NR6A1: variants seen among roughly 807,000 people sequenced by gnomAD.
NR6A1 encodes retinoic acid receptor-related testis-associated receptor.
Under a neutral mutation model 59.1 loss-of-function variants are expected in NR6A1, and 7 were observed. That is an observed-to-expected ratio of 0.12 (90% CI 0.07 to 0.22). NR6A1 has a LOEUF of 0.22. Among genes scored for constraint, NR6A1 ranks in the 10% least tolerant of loss-of-function variants. NR6A1 has a pLI of 1.00. For missense variants in NR6A1, 468 were observed against 611.6 expected, an observed-to-expected ratio of 0.77 and a Z score of 2.48; for synonymous variants, 243 against 236.1, an observed-to-expected ratio of 1.03 and a Z score of -0.27.
chr9:124,580,526 A>T (rs183770025), intron 2 of NR6A1, among the ~76,000 whole-genome samples: 30 of 152,300 alleles, frequency 2.0e-4, no homozygotes, highest in Non-Finnish European at 3.8e-4. Flanking sequence ...TAAGCAAAAA[A>T]GAACAAAGCT....
chr9:124,698,648 T>G (rs1838840629), intron 2 of NR6A1: 1 of 152,170 alleles, frequency 6.6e-6, no homozygotes, highest in South Asian at 2.1e-4. Flanking sequence ...TTTAACTTTT[T>G]TTATCAAACG....
At chr9:124,761,944 T>G (rs985914500) in intron 1 of NR6A1, among the ~76,000 whole-genome samples, 1 of 152,220 alleles carries the variant, frequency 6.6e-6, no homozygotes, top group African/African-American at 2.4e-5. Flanking sequence ...GAGAGTGCAC[T>G]ACCACACATT....
At chr9:124,523,722 C>T (rs1293585443) in intron 9 of NR6A1, among the ~76,000 whole-genome samples, 1 of 152,000 alleles carries the variant, frequency 6.6e-6, no homozygotes, top group Non-Finnish European at 1.5e-5. Flanking sequence ...TAGTTTAGGC[C>T]CAGCTCACAT....
chr9:124,572,354 T>C (rs1170340701), intron 2 of NR6A1, among the ~76,000 whole-genome samples: 1 of 152,240 alleles, frequency 6.6e-6, no homozygotes. Flanking sequence ...ACTAATCTTG[T>C]CACTAATCAT....
chr9:124,746,602 A>G (rs1041452940), intron 1 of NR6A1, among the ~76,000 whole-genome samples: 1 of 151,168 alleles, frequency 6.6e-6, no homozygotes, highest in African/African-American at 2.4e-5. Context: ...AAGGAAAAAG[A>G]AAAAAAAACA....
chr9:124,683,531 T>C (rs1191108079), intron 2 of NR6A1, among the ~76,000 whole-genome samples: 1 of 152,216 alleles, frequency 6.6e-6, no homozygotes, highest in Non-Finnish European at 1.5e-5. Flanking sequence ...TGGTGGCTCA[T>C]GCCTGTAATC....
intron 2 of NR6A1, among the ~76,000 whole-genome samples, chr9:124,730,014 T>A (rs1179661581): frequency 6.6e-6 from 1 of 151,940 alleles, no homozygotes; most frequent in Non-Finnish European, 1.5e-5. Context: ...GGTTTCTCAA[T>A]ATTGGTCAGG....
At chr9:124,706,854 C>T (rs985160422) in intron 2 of NR6A1, among the ~76,000 whole-genome samples, 4 of 152,256 alleles carry the variant, frequency 2.6e-5, no homozygotes, top group Middle Eastern at 6.8e-3. Flanking sequence ...AATGTCATCC[C>T]ATTGCCTTCA....
At chr9:124,539,024 A>G (rs1833366464) in intron 5 of NR6A1, among the ~76,000 whole-genome samples, 1 of 152,048 alleles carries the variant, frequency 6.6e-6, no homozygotes, top group Non-Finnish European at 1.5e-5. Flanking sequence ...CCTGGGCAAC[A>G]TAGCAAGACT....
intron 2 of NR6A1, among the ~76,000 whole-genome samples, chr9:124,613,992 A>G (rs1835823916): frequency 6.6e-6 from 1 of 152,336 alleles, no homozygotes; most frequent in South Asian, 2.1e-4. Context: ...AGGCGGCCAA[A>G]GACAGTGACT....
chr9:124,723,148 ATACTT>A (rs1369167988), intron 2 of NR6A1, among the ~76,000 whole-genome samples: 1 of 152,160 alleles, frequency 6.6e-6, no homozygotes, highest in African/African-American at 2.4e-5. Flanking sequence ...TCATTAGAAT[ATACTT>A]TATTTTTTAA....
At chr9:124,535,775 A>G in intron 7 of NR6A1, 103 bp downstream of exon 7, 1 of 1,394,314 alleles carries the variant, frequency 7.2e-7, no homozygotes, top group Non-Finnish European at 9.9e-7. Flanking sequence ...ATCCAGGCCT[A>G]TGAGGTGTAG....
intron 2 of NR6A1, among the ~76,000 whole-genome samples, chr9:124,611,255 C>T (rs1835734312): frequency 6.6e-6 from 1 of 151,892 alleles, no homozygotes; most frequent in Non-Finnish European, 1.5e-5. Flanking sequence ...AAGTACTTAT[C>T]ATAGGCCCAG....
intron 6 of NR6A1, 50 bp from the exon 7 acceptor site, chr9:124,536,182 G>A: frequency 2.5e-6 from 4 of 1,583,756 alleles, no homozygotes; most frequent in Non-Finnish European, 2.6e-6. Flanking sequence ...AGAGGGTGAG[G>A]ATAAGGGTAC....
intron 7 of NR6A1, among the ~76,000 whole-genome samples, chr9:124,527,422 T>C (rs1202257080): frequency 1.3e-5 from 2 of 152,260 alleles, no homozygotes; most frequent in Admixed American, 6.5e-5. Context: ...GCTGAGGTTA[T>C]GCATAGTGAA....
Position 124,551,511 on chromosome 9 carries a change from C to T in NR6A1, c.385+2817G>A, listed in dbSNP as rs577809028. ...TGAAGTAGTGAAAAAATTCCTAACA[C>T]ATAACCTTGAGAGAAACAAATTTTA... On this transcript the variant is annotated intron_variant, in intron 3 of 9. Coordinates refer to ENST00000487099, the MANE Select transcript of NR6A1 (RefSeq NM_033334.4). Among the ~76,000 whole-genome samples the T allele has an allele frequency of 2.6e-5, 4 of 152,300 alleles. No homozygotes were observed. The South Asian group carries it at 8.3e-4, about 32-fold the overall frequency.
At chr9:124,715,965 G>A (rs1250535865) in intron 2 of NR6A1, among the ~76,000 whole-genome samples, 1 of 152,196 alleles carries the variant, frequency 6.6e-6, no homozygotes, top group African/African-American at 2.4e-5. Flanking sequence ...CACTTTGGGA[G>A]GCCGAGGCAG....
At chr9:124,672,426 C>T (rs1019192373) in intron 2 of NR6A1, among the ~76,000 whole-genome samples, 2 of 151,954 alleles carry the variant, frequency 1.3e-5, no homozygotes, top group Non-Finnish European at 2.9e-5. Flanking sequence ...ACCAGCCTGG[C>T]CAACATAGTG....
At chr9:124,649,682 G>A (rs1837041952) in intron 2 of NR6A1, among the ~76,000 whole-genome samples, 1 of 152,052 alleles carries the variant, frequency 6.6e-6, no homozygotes, top group Non-Finnish European at 1.5e-5. Context: ...TAAAGAATGG[G>A]AGAAAATATT....
Sources: gnomAD v4.1 joint callset for allele counts (sites outside exome capture counted in the v4.1 genomes callset) on GRCh38, gnomAD v4.1.1 for gene constraint, MANE v1.5 for transcripts, NCBI Gene and HGNC (gene_info 2026-07-23, HGNC 2026-07-21) for gene names.